The following NOP56 variants were observed in gnomAD, a reference collection of about 807,000 sequenced individuals.
The protein encoded by NOP56 is nucleolar protein 56.
In NOP56, 31 loss-of-function variants were observed where a neutral mutation model predicts 58.3. That is an observed-to-expected ratio of 0.53 (90% CI 0.40 to 0.72). The LOEUF (loss-of-function observed/expected upper bound fraction) is 0.72, where lower values mean the gene tolerates loss of function less well. NOP56 is among the 30% of genes least tolerant of loss of function. The pLI, the probability that NOP56 is intolerant of heterozygous loss-of-function variation, is 0.00. For synonymous variants in NOP56, 313 were observed against 282.8 expected (o/e 1.11, Z -1.07); for missense variants, 669 against 739.9 (o/e 0.90, Z 1.11).
chr20:2,653,975 G>GTTTT (rs1045367174), intron 3 of NOP56, among the ~76,000 whole-genome samples: 1 of 152,124 alleles, frequency 6.6e-6, no homozygotes, highest in African/African-American at 2.4e-5. Context: ...TTTCTTAAAG[G>GTTTT]GGGTCGGCTT....
At position 2,652,752 on chromosome 20, in the gene NOP56, G is replaced by GGCCTGGGCCTGGGCCTGGGCCTGC. The variant is rs1555779375; in HGVS notation, c.4-85_4-84insGGCCTGGGCCTGGGCCTGCGCCTG. On this transcript the variant is annotated intron_variant, in intron 1 of 11. Transcript: ENST00000329276. The stretch of plus-strand genomic sequence containing the variant: ...CAGACAGGGCCTGGGCCTGGGCCTG[G>GGCCTGGGCCTGGGCCTGGGCCTGC]GCCTGCGCCTGCGCCTGCGCCTGCC... 4.0e-5 allele frequency: 61 copies of GGCCTGGGCCTGGGCCTGGGCCTGC among 1,508,480 alleles called. No homozygotes were observed. In the African/African-American group the frequency reaches 7.6e-4, roughly 19 times the overall value. The allele number at this position is 1,508,480 out of a possible 1,614,324, so 93.4% of individuals were successfully genotyped here.
intron 5 of NOP56, 132 bp downstream of exon 5, chr20:2,655,079 C>A: frequency 8.5e-7 from 1 of 1,174,250 alleles, no homozygotes; most frequent in Non-Finnish European, 1.3e-6. Context: ...CCTCCTGGTG[C>A]TTACCACAGG....
chr20:2,656,636 C>A (rs1410751281), intron 9 of NOP56, 87 bp downstream of exon 9: 2 of 1,606,214 alleles, frequency 1.2e-6, no homozygotes, highest in East Asian at 4.5e-5. Context: ...ACAATGATGG[C>A]AATATTTTTC....
chr20:2,653,302 G>T lies in NOP56; in HGVS notation c.117G>T (p.Leu39=). The change falls in exon 3 of 12, where the codon CTG becomes CTT. Residue 39 remains leucine (L), a synonymous_variant. Coordinates refer to ENST00000329276, the MANE Select transcript of NOP56 (RefSeq NM_006392.4). ...QPQVEESVLN[L]GKFHSIVRLV... is the part of the protein sequence containing the mutation. ...AGGTGGAGGAGTCTGTGCTCAACCT[G>T]GGCAAATTCCACAGCATCGTTCGTC... 6.2e-7 allele frequency: 1 copy of T among 1,614,118 alleles called. No homozygotes were observed. The highest frequency in any genetic ancestry group is 8.5e-7 in the Non-Finnish European group (1 of 1,179,984).
In NOP56 at chr20:2,654,771, T is replaced by A; in HGVS notation, c.393T>A (p.Asn131Lys). ...ILRGVRLHFHNLVKGLTDLSA... is the reference protein window; with the variant it reads ...ILRGVRLHFHKLVKGLTDLSA... ...TAGGAGTTCGTCTGCACTTCCACAA[T>A]CTGGTGAAGGGTCTGACCGATCTGT... Residue 131 changes from asparagine (N) to lysine (K), a missense_variant, in exon 5 of 12, where the codon AAT (asparagine) becomes AAA (lysine). Coordinates refer to ENST00000329276, the MANE Select transcript of NOP56 (RefSeq NM_006392.4). 1 of 1,614,036 alleles carries A rather than the reference T, an allele frequency of 6.2e-7. No individual in the cohort carries two copies. Among genetic ancestry groups the A allele is most frequent in the Non-Finnish European group, 8.5e-7 (1 of 1,180,028 alleles).
chr20:2,657,060 T>A (rs1362333456), intron 10 of NOP56, 21 bp from the exon 11 acceptor site: 2 of 1,614,070 alleles, frequency 1.2e-6, no homozygotes, highest in Non-Finnish European at 1.7e-6. Flanking sequence ...TCAGGCCCTT[T>A]TAGCACTTTT....
At chr20:2,656,698 T>C in intron 9 of NOP56, 76 bp from the exon 10 acceptor site, 5 of 1,613,128 alleles carry the variant, frequency 3.1e-6, no homozygotes, top group Non-Finnish European at 4.2e-6. Flanking sequence ...TGAGTGAAGC[T>C]GAGGGTAGAG....
intron 3 of NOP56, chr20:2,653,612 ATG>A: frequency 1.8e-6 from 1 of 548,582 alleles, no homozygotes; most frequent in Non-Finnish European, 3.2e-6. Flanking sequence ...ACGATGTGGA[ATG>A]TGTGTTAACG....
Position 2,654,805 on chromosome 20 carries a change from A to C in NOP56, c.427A>C (p.Lys143Gln). 6.2e-7 allele frequency: 1 copy of C among 1,614,214 alleles called. No homozygotes were observed. The highest frequency in any genetic ancestry group is 8.5e-7 in the Non-Finnish European group (1 of 1,180,046). Residue 143 changes from lysine to glutamine, a missense_variant, in exon 5 of 12, where the codon AAA (lysine) becomes CAA (glutamine). Coordinates refer to ENST00000329276, the MANE Select transcript of NOP56 (RefSeq NM_006392.4). ...VKGLTDLSAC[K>Q]AQLGLGHSYS... ...GGGTCTGACCGATCTGTCAGCTTGT[A>C]AAGCACAGCTGGGGCTGGGACACAG...
chr20:2,654,344 A>C, intron 3 of NOP56, 70 bp from the exon 4 acceptor site: 4 of 1,535,198 alleles, frequency 2.6e-6, no homozygotes, highest in Non-Finnish European at 2.7e-6. Flanking sequence ...GGACCAGGGT[A>C]GTCAGCTGAG....
Position 2,652,937 on chromosome 20 carries a change from T to C in NOP56, c.93+6T>C, listed in dbSNP as rs1265766555. On this transcript the variant is annotated splice_donor_region_variant and intron_variant, in intron 2 of 11. Transcript: ENST00000329276. ...TCAGTCTGCTGCAGCCGCAGGTGGG[T>C]GAGATCCGTGGGCTCCTTTGGCGGC... The C allele has an allele frequency of 6.3e-7, 1 of 1,592,618 alleles. No individual in the cohort carries two copies. The highest frequency in any genetic ancestry group is 8.6e-7 in the Non-Finnish European group (1 of 1,167,922).
intron 3 of NOP56, among the ~76,000 whole-genome samples, chr20:2,654,000 C>T (rs1443906656): frequency 6.6e-6 from 1 of 152,130 alleles, no homozygotes; most frequent in African/African-American, 2.4e-5. Flanking sequence ...CCTACTTGTG[C>T]CTGAGGTTTT....
In NOP56 at chr20:2,656,565, C is replaced by G. The variant is rs1184914304; in HGVS notation, c.1159+16C>G. 1 of 1,573,636 alleles carries G rather than the reference C, an allele frequency of 6.4e-7. No homozygotes were observed. Among genetic ancestry groups the G allele is most frequent in the Non-Finnish European group, 8.7e-7 (1 of 1,155,570 alleles). Reference sequence around the variant, plus strand: ...TGCTTCTCTGGTATGGGTGGGGGGGCGTTGGCAGGTGTGAGAAGGGGCTGG... The same window carrying G: ...TGCTTCTCTGGTATGGGTGGGGGGGGGTTGGCAGGTGTGAGAAGGGGCTGG... On this transcript the variant is annotated intron_variant, in intron 9 of 11. Transcript: ENST00000329276.
rs2086797654 is a variant in NOP56 at position 2,654,952 on chromosome 20, A to C, written c.569+5A>C. 3 of 1,613,878 alleles carry C rather than the reference A, an allele frequency of 1.9e-6. No homozygotes were observed. The highest frequency in any genetic ancestry group is 2.5e-6 in the Non-Finnish European group (3 of 1,180,030). The stretch of plus-strand genomic sequence containing the variant: ...TACCTTCTCTATGCGTGTCAGGTAA[A>C]GTGCAGGGGCCACCCATAATACTGG... On this transcript the variant is annotated splice_donor_5th_base_variant and intron_variant, in intron 5 of 11. Transcript: ENST00000329276.
intron 2 of NOP56, 121 bp downstream of exon 2, chr20:2,653,052 A>G (rs2086771008): frequency 1.1e-6 from 1 of 917,898 alleles, no homozygotes; most frequent in Non-Finnish European, 1.6e-6. Flanking sequence ...ACGGGCCTGG[A>G]AAGCTCTAGA....
Position 2,654,472 on chromosome 20 carries a change from G to A in NOP56, c.267G>A (p.Lys89=). The change falls in exon 4 of 12, where the codon AAG becomes AAA. Residue 89 remains lysine (K), a synonymous_variant. Coordinates refer to ENST00000329276, the MANE Select transcript of NOP56 (RefSeq NM_006392.4). ...LLETHLPSKK[K]KVLLGVGDPK... is the part of the protein sequence containing the mutation. ...AGACCCACCTGCCGTCCAAAAAGAA[G>A]AAAGTACTCTTGGGAGTTGGGGATC... 1.2e-6 allele frequency: 2 copies of A among 1,614,226 alleles called. No homozygotes were observed. Among genetic ancestry groups the A allele is most frequent in the South Asian group, 1.1e-5 (1 of 91,084 alleles).
chr20:2,652,669 G>A lies in NOP56; in HGVS notation c.3+6G>A, dbSNP rs1408385269. 4 of 1,458,036 alleles carry A rather than the reference G, an allele frequency of 2.7e-6. No homozygotes were observed. Among genetic ancestry groups the A allele is most frequent in the Non-Finnish European group, 3.6e-6 (4 of 1,113,752 alleles). 90.3% of individuals were successfully genotyped at this position (1,458,036 alleles called of 1,614,324 possible). A position where few individuals can be genotyped will look rare whatever the true frequency, so the allele number is the denominator to read the frequency against. On this transcript the variant is annotated splice_donor_region_variant and intron_variant, in intron 1 of 11. Transcript: ENST00000329276. The stretch of plus-strand genomic sequence containing the variant: ...ACCCGGGAGCTGGCGCCATGGTGAG[G>A]AGTGGTTGCGGGGCGCGGGCGACGC...
intron 11 of NOP56, 65 bp downstream of exon 11, chr20:2,657,283 G>GAT: frequency 6.2e-7 from 1 of 1,608,454 alleles, no homozygotes; most frequent in Non-Finnish European, 8.5e-7. Flanking sequence ...CAGAACAAAG[G>GAT]ATATGCTGCA....
At position 2,655,740 on chromosome 20, in the gene NOP56, G is replaced by C; in HGVS notation, c.903G>C (p.Gly301=). 6.2e-7 allele frequency: 1 copy of C among 1,614,188 alleles called. No individual in the cohort carries two copies. Among genetic ancestry groups the C allele is most frequent in the Non-Finnish European group, 8.5e-7 (1 of 1,180,030 alleles). ...QVAPSLSALI[G]EAVGARLIAH... ...CCCCCAGCCTGTCAGCCCTAATTGG[G>C]GAAGCGGTGCGTCACAGGGGACTCA... The change falls in exon 7 of 12, where the codon GGG becomes GGC. Residue 301 remains glycine (G), a synonymous_variant. Coordinates refer to ENST00000329276, the MANE Select transcript of NOP56 (RefSeq NM_006392.4).
Sources: gnomAD v4.1 joint callset for allele counts (sites outside exome capture counted in the v4.1 genomes callset) on GRCh38, gnomAD v4.1.1 for gene constraint, MANE v1.5 for transcripts, NCBI Gene and HGNC (gene_info 2026-07-23, HGNC 2026-07-21) for gene names.